Variants in ITIH5 observed in about 807,000 individuals in gnomAD.
ITIH5 encodes inter-alpha-trypsin inhibitor heavy chain H5.
In ITIH5, 65 loss-of-function variants were observed where a neutral mutation model predicts 77.5. That is an observed-to-expected ratio of 0.84 (90% CI 0.69 to 1.03). The LOEUF is 1.03. Ranked by LOEUF, ITIH5 falls within the 50% of genes least tolerant of loss-of-function variation. The pLI is 0.00. For missense variants in ITIH5, 1,208 were observed against 1,213.1 expected (o/e 1.00, Z 0.06); for synonymous variants, 525 against 494.3 (o/e 1.06, Z -0.82).
chr10:7,630,607 A>T (rs1833696288), intron 5 of ITIH5, among the ~76,000 whole-genome samples: 1 of 152,066 alleles, frequency 6.6e-6, no homozygotes, highest in African/African-American at 2.4e-5. Context: ...TTGGCCATTC[A>T]TATGTCTTCT....
rs776836999 is a variant in ITIH5, at chr10:7,617,305, ATTAATAAC to A, written c.653-31_653-24del. The A allele has an allele frequency of 3.2e-5, 45 of 1,410,152 alleles. No homozygotes were observed. The African/African-American group carries it at 6.1e-4, about 19-fold the overall frequency. 87.4% of individuals were successfully genotyped at this position (1,410,152 alleles called of 1,614,324 possible). A position where few individuals can be genotyped will look rare whatever the true frequency, so the allele number is the denominator to read the frequency against. ...CATCTGCAAACAAGATAGAAACATAATTAATAACTTAATATATATTTTTCCAAAAAGAA... is the reference window on the plus strand; with the variant it reads ...CATCTGCAAACAAGATAGAAACATAATTAATATATATTTTTCCAAAAAGAA... On this transcript the variant is annotated intron_variant, in intron 5 of 13. Coordinates refer to ENST00000397146, the MANE Select transcript of ITIH5 (RefSeq NM_030569.7).
At position 7,637,266 on chromosome 10, in the gene ITIH5, A is replaced by G. The variant is rs2131073455; in HGVS notation, c.614T>C (p.Leu205Pro). 1.2e-6 allele frequency: 2 copies of G among 1,611,082 alleles called. No homozygotes were observed. Among genetic ancestry groups the G allele is most frequent in the African/African-American group, 1.3e-5 (1 of 75,016 alleles). Residue 205 changes from leucine (L) to proline (P), a missense_variant, in exon 5 of 14, where the codon CTT becomes CCT. By Grantham distance (98) the Leu-to-Pro change is moderately conservative. Transcript: ENST00000397146. The stretch of plus-strand genomic sequence containing the variant: ...ACTGCCCCTCTGCCTGCTGTTGTGA[A>G]GCGGCAGCACCTCCAGGGATGCGAT... ...AGIASLEVLP[L>P]HNSRQRGSGR...
At chr10:7,588,837 C>T (rs538437649) in intron 7 of ITIH5, among the ~76,000 whole-genome samples, 38 of 152,354 alleles carry the variant, frequency 2.5e-4, no homozygotes, top group African/African-American at 8.7e-4. Flanking sequence ...TTACGAGCCA[C>T]CTGAGGGAAA....
intron 7 of ITIH5, among the ~76,000 whole-genome samples, chr10:7,609,094 T>C (rs1270018705): frequency 6.6e-6 from 1 of 152,246 alleles, no homozygotes; most frequent in Non-Finnish European, 1.5e-5. Flanking sequence ...TTCCTACTTA[T>C]AACTTTGTGT....
chr10:7,628,829 G>GTGTGTCCCTGTTGTAGCA (rs1491338553), intron 5 of ITIH5, among the ~76,000 whole-genome samples: 9,639 of 103,980 alleles, frequency 0.093, 1,771 homozygotes, highest in African/African-American at 0.15. Flanking sequence ...ATGTTGTAGC[G>GTGTGTCCCTGTTGTAGCA]TGTGTCCCTG....
At chr10:7,563,740 C>G (rs1832085531) in intron 13 of ITIH5, among the ~76,000 whole-genome samples, 1 of 152,248 alleles carries the variant, frequency 6.6e-6, no homozygotes, top group African/African-American at 2.4e-5. Flanking sequence ...TTCCCAGTCA[C>G]AGGCCCGCCT....
rs565609548 is a variant in ITIH5, at chr10:7,589,277, G to A, written c.940-3208C>T. Among the ~76,000 whole-genome samples, 5 of 152,196 alleles carry A rather than the reference G, an allele frequency of 3.3e-5. No individual in the cohort carries two copies. In the South Asian group the frequency reaches 8.3e-4, roughly 25 times the overall value. On this transcript the variant is annotated intron_variant, in intron 7 of 13. Transcript: ENST00000397146. ...GTTCAAGACCAGCCTGGCCCATGTG[G>A]TAAAACCATGTCTCTACTAAAAAAA...
intron 4 of ITIH5, among the ~76,000 whole-genome samples, chr10:7,639,921 T>C (rs1440457732): frequency 6.6e-6 from 1 of 151,986 alleles, no homozygotes; most frequent in Non-Finnish European, 1.5e-5. Context: ...AATATAATCA[T>C]TTAAGATAGT....
intron 5 of ITIH5, among the ~76,000 whole-genome samples, chr10:7,628,252 CTG>C (rs1833619053): frequency 6.6e-6 from 1 of 152,236 alleles, no homozygotes; most frequent in Non-Finnish European, 1.5e-5. Flanking sequence ...CAAGGAAACT[CTG>C]TAACCATCCA....
Position 7,579,964 on chromosome 10 carries a change from G to C in ITIH5, c.1209C>G (p.Phe403Leu), listed in dbSNP as rs999459621. 3 of 1,614,078 alleles carry C rather than the reference G, an allele frequency of 1.9e-6. No individual in the cohort carries two copies. In the African/African-American group the frequency reaches 4.0e-5, roughly 22 times the overall value. Residue 403 changes from phenylalanine to leucine, a missense_variant, in exon 9 of 14, where the codon TTC becomes TTG. Coordinates refer to ENST00000397146, the MANE Select transcript of ITIH5 (RefSeq NM_030569.7). ...IGDRSVSLIV[F>L]LTDGKPTVGE... is the part of the protein sequence containing the mutation. ...CGACCGTGGGCTTCCCATCCGTCAG[G>C]AAGACGATGAGGGACACGCTCCGGT...
At chr10:7,611,226 A>G (rs1736247893) in intron 7 of ITIH5, among the ~76,000 whole-genome samples, 1 of 152,262 alleles carries the variant, frequency 6.6e-6, no homozygotes, top group South Asian at 2.1e-4. Flanking sequence ...CAGTTTCTCC[A>G]TCAGTAAAAT....
chr10:7,608,621 C>A (rs997256529), intron 7 of ITIH5, among the ~76,000 whole-genome samples: 3 of 152,168 alleles, frequency 2.0e-5, no homozygotes, highest in Non-Finnish European at 4.4e-5. Context: ...CCCACATAGT[C>A]TGAAGAAGGC....
At chr10:7,586,658 G>T (rs1175262069) in intron 7 of ITIH5, among the ~76,000 whole-genome samples, 1 of 152,092 alleles carries the variant, frequency 6.6e-6, no homozygotes, top group Non-Finnish European at 1.5e-5. Flanking sequence ...TGAGGCAGGT[G>T]AATCAATGAA....
chr10:7,636,052 C>G (rs7901177), intron 5 of ITIH5, among the ~76,000 whole-genome samples: 151,168 of 152,324 alleles, frequency 0.99, 75,019 homozygotes, highest in Middle Eastern at 1. Context: ...CACTGACCAG[C>G]CTTACTGGTA....
rs918737569 is a variant in ITIH5, at chr10:7,561,092, A to G, written c.*1991T>C. 1.9e-4 allele frequency: 29 copies of G among 151,614 alleles called. No homozygotes were observed. The highest frequency in any genetic ancestry group is 5.8e-4 in the African/African-American group (24 of 41,250). 9.4% of individuals were successfully genotyped at this position (151,614 alleles called of 1,614,324 possible). A position where few individuals can be genotyped will look rare whatever the true frequency, so the allele number is the denominator to read the frequency against. On this transcript the variant is annotated 3_prime_UTR_variant, in exon 14 of 14. Coordinates refer to ENST00000397146, the MANE Select transcript of ITIH5 (RefSeq NM_030569.7). ...GTAAAGAAGAGGAAGAAAAAAGGTGATATTTTTCTAAAGTAAAATATAATT... is the reference window on the plus strand; with the variant it reads ...GTAAAGAAGAGGAAGAAAAAAGGTGGTATTTTTCTAAAGTAAAATATAATT...
At chr10:7,611,816 C>G (rs935986995) in intron 7 of ITIH5, among the ~76,000 whole-genome samples, 1 of 151,662 alleles carries the variant, frequency 6.6e-6, no homozygotes, top group East Asian at 1.9e-4. Flanking sequence ...TACCGATTTT[C>G]CCCTTTGTAA....
At chr10:7,613,802 G>C (rs954040069) in intron 7 of ITIH5, among the ~76,000 whole-genome samples, 5 of 151,476 alleles carry the variant, frequency 3.3e-5, no homozygotes, top group Non-Finnish European at 1.5e-5. Flanking sequence ...TGTAGCTTAG[G>C]GGTGCTCTGG....
At chr10:7,644,511 A>ATATATATCACATATATAT in intron 2 of ITIH5, among the ~76,000 whole-genome samples, 1 of 50,728 alleles carries the variant, frequency 2.0e-5, no homozygotes, top group Admixed American at 2.2e-4. Flanking sequence ...CATATATATG[A>ATATATATCACATATATAT]TATATATCAC....
intron 7 of ITIH5, among the ~76,000 whole-genome samples, chr10:7,595,930 C>T (rs1832885752): frequency 6.6e-6 from 1 of 152,186 alleles, no homozygotes; most frequent in Admixed American, 6.5e-5. Context: ...ATCGCTTGAA[C>T]CCATGAGGCA....
Sources: allele counts gnomAD v4.1 joint callset (sites outside exome capture counted in the v4.1 genomes callset), GRCh38; gene constraint gnomAD v4.1.1; transcripts MANE v1.5; gene names NCBI Gene and HGNC (gene_info 2026-07-23, HGNC 2026-07-21).